Variants in ARHGEF28 observed in about 807,000 individuals in gnomAD.
ARHGEF28 encodes 190 kDa guanine nucleotide exchange factor.
In ARHGEF28, 152 loss-of-function variants were observed where a neutral mutation model predicts 206.6. The observed-to-expected ratio is 0.74, with a 90% CI of 0.64 to 0.84. The LOEUF is 0.84. Among genes scored for constraint, ARHGEF28 ranks in the 40% least tolerant of loss-of-function variants. The pLI is 0.00. For synonymous variants in ARHGEF28, 763 were observed against 776.4 expected (o/e 0.98, Z 0.29); for missense variants, 2,028 against 2,073.2 (o/e 0.98, Z 0.42).
At chr5:73,739,758 C>T (rs1027258431) in intron 2 of ARHGEF28, among the ~76,000 whole-genome samples, 3 of 150,916 alleles carry the variant, frequency 2.0e-5, no homozygotes, top group African/African-American at 7.3e-5. Flanking sequence ...TTGTGGTGAG[C>T]TGAGATCATG....
chr5:73,650,674 T>C (rs1744759453), intron 1 of ARHGEF28, among the ~76,000 whole-genome samples: 1 of 151,362 alleles, frequency 6.6e-6, no homozygotes, highest in Admixed American at 6.6e-5. Flanking sequence ...TCTCACCCTA[T>C]CACCCAGGCT....
At chr5:73,717,458 C>G (rs937039450) in intron 2 of ARHGEF28, among the ~76,000 whole-genome samples, 6 of 152,114 alleles carry the variant, frequency 3.9e-5, no homozygotes, top group Admixed American at 3.3e-4. Flanking sequence ...ACCATCTAGT[C>G]CTTTCTGGGA....
chr5:73,910,916 G>A (rs1291913211), intron 34 of ARHGEF28, among the ~76,000 whole-genome samples: 1 of 151,972 alleles, frequency 6.6e-6, no homozygotes, highest in Non-Finnish European at 1.5e-5. Context: ...CTTTTAAGTT[G>A]GCTAAATTAT....
chr5:73,837,828 A>AC lies in ARHGEF28; in HGVS notation c.1147-2646dup, dbSNP rs982008401. ...GCCATCTTGGCTCACTGCAATCTCC[A>AC]CCCCCCAGGCTCAAGCAATTCTTGT... On this transcript the variant is annotated intron_variant, in intron 10 of 35. Coordinates refer to ENST00000513042, the MANE Select transcript of ARHGEF28 (RefSeq NM_001177693.2). Among the ~76,000 whole-genome samples, 7 of 139,618 alleles carry AC rather than the reference A, an allele frequency of 5.0e-5. No homozygotes were observed. In the East Asian group the frequency reaches 1.2e-3, roughly 25 times the overall value. 91.6% of individuals were successfully genotyped at this position (139,618 alleles called of 152,430 possible).
chr5:73,749,558 C>T (rs1218899083), intron 2 of ARHGEF28, among the ~76,000 whole-genome samples: 2 of 152,222 alleles, frequency 1.3e-5, no homozygotes, highest in South Asian at 2.1e-4. Context: ...ACATCTAGTA[C>T]ATTTTAAAGA....
chr5:73,771,685 T>C (rs757553523), intron 4 of ARHGEF28, among the ~76,000 whole-genome samples: 20 of 152,176 alleles, frequency 1.3e-4, no homozygotes, highest in Non-Finnish European at 2.9e-4. Flanking sequence ...ACAAGTCTAT[T>C]CCTGGTTATT....
At chr5:73,634,218 G>T (rs2112122787) in intron 1 of ARHGEF28, among the ~76,000 whole-genome samples, 1 of 152,266 alleles carries the variant, frequency 6.6e-6, no homozygotes, top group Non-Finnish European at 1.5e-5. Flanking sequence ...CATTTGATGT[G>T]TCTATGCAAA....
chr5:73,866,087 T>C (rs1179359938), intron 18 of ARHGEF28, 74 bp downstream of exon 18: 18 of 1,194,846 alleles, frequency 1.5e-5, no homozygotes, highest in Non-Finnish European at 1.9e-5. Context: ...TATAAAAATA[T>C]CTCCTTTTGT....
At chr5:73,888,981 G>C (rs1053516661) in intron 26 of ARHGEF28, among the ~76,000 whole-genome samples, 13 of 152,134 alleles carry the variant, frequency 8.5e-5, no homozygotes, top group African/African-American at 3.1e-4. Flanking sequence ...GCCCTTGGTG[G>C]TATCAGAGAG....
intron 9 of ARHGEF28, 99 bp from the exon 10 acceptor site, chr5:73,832,239 T>C (rs2112560136): frequency 1.4e-6 from 2 of 1,397,202 alleles, no homozygotes; most frequent in East Asian, 2.4e-5. Context: ...TCTTAAAAAA[T>C]GCACTTGACT....
rs1218512999 is a variant in ARHGEF28 at position 73,941,661 on chromosome 5, C to G, written c.*648C>G. The G allele has an allele frequency of 6.6e-6, 1 of 152,240 alleles. No homozygotes were observed. The allele number at this position is 152,240 out of a possible 1,614,324, so 9.4% of individuals were successfully genotyped here. A position where few individuals can be genotyped will look rare whatever the true frequency, so the allele number is the denominator to read the frequency against. On this transcript the variant is annotated 3_prime_UTR_variant, in exon 36 of 36. Coordinates refer to ENST00000513042, the MANE Select transcript of ARHGEF28 (RefSeq NM_001177693.2). ...TTCAGCATCATCTTTTAACAAGGCCCAGAGGCCCAGAGCCCCCATCAAGTC... is the reference window on the plus strand; with the variant it reads ...TTCAGCATCATCTTTTAACAAGGCCGAGAGGCCCAGAGCCCCCATCAAGTC...
chr5:73,813,404 C>A (rs769853078), intron 9 of ARHGEF28: 39 of 1,240,340 alleles, frequency 3.1e-5, no homozygotes, highest in Non-Finnish European at 3.7e-5. Context: ...TCGGTCTACA[C>A]GCCTGAATGC....
chr5:73,794,466 C>T lies in ARHGEF28; in HGVS notation c.963+12C>T, dbSNP rs1210150264. ...AGGAAGATATAAAGGTAATGAATGACTCCCTGCTTCTTTCTTTGCACGTCT... is the reference window on the plus strand; with the variant it reads ...AGGAAGATATAAAGGTAATGAATGATTCCCTGCTTCTTTCTTTGCACGTCT... On this transcript the variant is annotated intron_variant, in intron 8 of 35. Transcript: ENST00000513042. 2 of 1,578,326 alleles carry T rather than the reference C, an allele frequency of 1.3e-6. No individual in the cohort carries two copies. The highest frequency in any genetic ancestry group is 1.4e-5 in the African/African-American group (1 of 73,914).
intron 33 of ARHGEF28, among the ~76,000 whole-genome samples, chr5:73,907,043 T>C (rs1374287101): frequency 1.3e-5 from 2 of 152,254 alleles, no homozygotes; most frequent in African/African-American, 4.8e-5. Context: ...ATGTGTTAAA[T>C]CACAGTGGTA....
At chr5:73,879,041 C>G (rs1440578839) in intron 22 of ARHGEF28, among the ~76,000 whole-genome samples, 1 of 152,124 alleles carries the variant, frequency 6.6e-6, no homozygotes, top group South Asian at 2.1e-4. Flanking sequence ...GTTCCATTCT[C>G]CCCGTCACTT....
intron 3 of ARHGEF28, among the ~76,000 whole-genome samples, chr5:73,751,427 C>A (rs1004551298): frequency 3.3e-5 from 5 of 152,064 alleles, no homozygotes; most frequent in African/African-American, 1.2e-4. Context: ...AAACAAAAAC[C>A]AAAACAAATC....
At chr5:73,783,813 G>A (rs1753991713) in intron 7 of ARHGEF28, among the ~76,000 whole-genome samples, 1 of 152,148 alleles carries the variant, frequency 6.6e-6, no homozygotes, top group East Asian at 1.9e-4. Flanking sequence ...GAATTTGACA[G>A]GTGTTTGGGG....
intron 9 of ARHGEF28, among the ~76,000 whole-genome samples, chr5:73,805,118 A>T (rs1216320721): frequency 2.0e-5 from 3 of 152,338 alleles, no homozygotes; most frequent in African/African-American, 7.2e-5. Context: ...TTGTTGTCAA[A>T]GTGTTCCAGT....
At position 73,773,898 on chromosome 5, in the gene ARHGEF28, G is replaced by A. The variant is rs1430333614; in HGVS notation, c.519G>A (p.Trp173Ter). 3 of 1,608,606 alleles carry A rather than the reference G, an allele frequency of 1.9e-6. No homozygotes were observed. The highest frequency in any genetic ancestry group is 1.6e-4 in the Middle Eastern group (1 of 6,078). Residue 173 changes from tryptophan to a stop codon, truncating the protein, a stop_gained, in exon 5 of 36, where the codon TGG (tryptophan) becomes TGA (stop). Coordinates refer to ENST00000513042, the MANE Select transcript of ARHGEF28 (RefSeq NM_001177693.2). LOFTEE classifies it high-confidence loss of function. Reference protein sequence around the residue: ...RESLLHLAMRWGLAKLSQFFL... With the variant: ...RESLLHLAMR ...CTCTTCTACACCTGGCTATGAGATG[G>A]GGCCTGGCTAAACTTTCCCAGTTCT...
Sources: gnomAD v4.1 joint callset for allele counts (sites outside exome capture counted in the v4.1 genomes callset) on GRCh38, gnomAD v4.1.1 for gene constraint, MANE v1.5 for transcripts, NCBI Gene and HGNC (gene_info 2026-07-23, HGNC 2026-07-21) for gene names.